Variants in DLG1 observed in about 807,000 individuals in gnomAD.
The protein encoded by DLG1 is disks large homolog 1.
Under a neutral mutation model 123.4 loss-of-function variants are expected in DLG1, and 42 were observed. That is an observed-to-expected ratio of 0.34 (90% CI 0.27 to 0.44). The LOEUF (loss-of-function observed/expected upper bound fraction) is 0.44, where lower values mean the gene tolerates loss of function less well. Ranked by LOEUF, DLG1 falls within the 20% of genes least tolerant of loss-of-function variation. The pLI, the probability that DLG1 is intolerant of heterozygous loss-of-function variation, is 1.00. For missense variants in DLG1, 942 were observed against 1,082.6 expected, an observed-to-expected ratio of 0.87 and a Z score of 1.82; for synonymous variants, 317 against 356.2, an observed-to-expected ratio of 0.89 and a Z score of 1.24.
intron 6 of DLG1, among the ~76,000 whole-genome samples, chr3:197,149,254 A>T (rs1792711643): frequency 6.6e-6 from 1 of 152,178 alleles, no homozygotes; most frequent in Admixed American, 6.5e-5. Flanking sequence ...ATCTACTTTC[A>T]GTAACTATGG....
At chr3:197,103,498 C>T (rs1178526321) in intron 14 of DLG1, among the ~76,000 whole-genome samples, 9 of 151,844 alleles carry the variant, frequency 5.9e-5, no homozygotes, top group Admixed American at 5.3e-4. Flanking sequence ...AACATAGGGT[C>T]CCATTGGCAG....
At chr3:197,158,550 C>T (rs1797373915) in intron 5 of DLG1, among the ~76,000 whole-genome samples, 1 of 150,120 alleles carries the variant, frequency 6.7e-6, no homozygotes. Context: ...AGGAGAATCA[C>T]CTGAACCCGG....
chr3:197,131,713 C>A (rs1307518668), intron 10 of DLG1, among the ~76,000 whole-genome samples: 1 of 148,340 alleles, frequency 6.7e-6, no homozygotes, highest in Non-Finnish European at 1.5e-5. Context: ...CCTGCCTCAG[C>A]CTCCCAAGTA....
intron 4 of DLG1, among the ~76,000 whole-genome samples, chr3:197,206,098 C>T (rs993251961): frequency 6.6e-6 from 1 of 152,112 alleles, no homozygotes; most frequent in Non-Finnish European, 1.5e-5. Context: ...AAGGGGCTAT[C>T]TATAGGGCAC....
chr3:197,104,363 G>C (rs912218541), intron 14 of DLG1, among the ~76,000 whole-genome samples: 5 of 152,138 alleles, frequency 3.3e-5, no homozygotes, highest in African/African-American at 1.2e-4. Flanking sequence ...GGTTAAGCTT[G>C]TGGATGCCAG....
rs1738890378 is a variant in DLG1 at position 197,065,497 on chromosome 3, C to T, written c.2201-49G>A. On this transcript the variant is annotated intron_variant, in intron 21 of 24. Transcript: ENST00000667157. ...AAGTGTTTAATATTAAAAAAAAAAC[C>T]ACAATAAATCCATTTTCTACTTACA... 9 of 1,421,322 alleles carry T rather than the reference C, an allele frequency of 6.3e-6. No homozygotes were observed. The South Asian group carries it at 1.2e-4, about 19-fold the overall frequency. 88.0% of individuals were successfully genotyped at this position (1,421,322 alleles called of 1,614,324 possible). A position where few individuals can be genotyped will look rare whatever the true frequency, so the allele number is the denominator to read the frequency against.
At chr3:197,222,133 G>C (rs899962339) in intron 4 of DLG1, among the ~76,000 whole-genome samples, 1 of 152,176 alleles carries the variant, frequency 6.6e-6, no homozygotes, top group Non-Finnish European at 1.5e-5. Context: ...TGAATCCACA[G>C]ATGCAGAACC....
At chr3:197,074,104 A>G (rs1351507786) in intron 18 of DLG1, among the ~76,000 whole-genome samples, 2 of 152,084 alleles carry the variant, frequency 1.3e-5, no homozygotes, top group South Asian at 2.1e-4. Flanking sequence ...CAACTGCCTT[A>G]TATCATCTAT....
chr3:197,232,207 A>G (rs1009297948), intron 4 of DLG1, among the ~76,000 whole-genome samples: 1 of 152,052 alleles, frequency 6.6e-6, no homozygotes, highest in Non-Finnish European at 1.5e-5. Context: ...GGGTGATAAA[A>G]ATGTGAAAGA....
At chr3:197,226,303 C>G (rs1353214890) in intron 4 of DLG1, 1 of 148,954 alleles carries the variant, frequency 6.7e-6, no homozygotes, top group Non-Finnish European at 1.5e-5. Flanking sequence ...GGATTCACCA[C>G]AGAGCTCCAC....
chr3:197,103,684 T>C (rs1324298839), intron 14 of DLG1, among the ~76,000 whole-genome samples: 1 of 150,780 alleles, frequency 6.6e-6, no homozygotes, highest in Non-Finnish European at 1.5e-5. Context: ...CCTCCCATAC[T>C]TAAGAAAGAC....
chr3:197,163,396 C>T (rs1313243995), intron 5 of DLG1, among the ~76,000 whole-genome samples: 1 of 152,134 alleles, frequency 6.6e-6, no homozygotes, highest in African/African-American at 2.4e-5. Context: ...AGAGCAAGGA[C>T]TTGGACACTT....
Position 197,043,058 on chromosome 3 carries a change from TAAAC to T in DLG1, c.*1561_*1564del, listed in dbSNP as rs1475993108. ...GAGGTTGTCAAAAACACATATTTAA[TAAAC>T]AACTCCAAAGAGCAATGGGAAGCCA... On this transcript the variant is annotated 3_prime_UTR_variant, in exon 25 of 25. Coordinates refer to ENST00000667157, the MANE Select transcript of DLG1 (RefSeq NM_001366207.1). 1 of 152,180 alleles carries T rather than the reference TAAAC, an allele frequency of 6.6e-6. No homozygotes were observed. The highest frequency in any genetic ancestry group is 1.5e-5 in the Non-Finnish European group (1 of 68,024). The allele number at this position is 152,180 out of a possible 1,614,324, so 9.4% of individuals were successfully genotyped here.
intron 24 of DLG1, among the ~76,000 whole-genome samples, chr3:197,050,423 AATAT>A (rs71623330): frequency 6.6e-6 from 1 of 150,946 alleles, no homozygotes; most frequent in African/African-American, 2.4e-5. Context: ...AACAACAACA[AATAT>A]ATATATATAT....
Position 197,289,341 on chromosome 3 carries a change from TACAC to T in DLG1, c.152-6500_152-6497del, listed in dbSNP as rs56319334. On this transcript the variant is annotated intron_variant, in intron 3 of 24. Coordinates refer to ENST00000667157, the MANE Select transcript of DLG1 (RefSeq NM_001366207.1). ...GGGGGGTGGCGTGTATACACGCGCA[TACAC>T]ACACACACACACACACACACACAAA... Among the ~76,000 whole-genome samples the T allele has an allele frequency of 1.1e-3, 169 of 150,396 alleles. 1 individual carries two copies. The highest frequency in any genetic ancestry group is 2.2e-3 in the African/African-American group (89 of 40,958).
At chr3:197,274,985 C>T (rs1440854765) in intron 4 of DLG1, among the ~76,000 whole-genome samples, 3 of 152,150 alleles carry the variant, frequency 2.0e-5, no homozygotes, top group African/African-American at 7.2e-5. Flanking sequence ...GACTTCAAGA[C>T]CAGCTCAGCC....
rs1720947143 is a variant in DLG1 at position 197,042,699 on chromosome 3, C to G, written c.*1924G>C. On this transcript the variant is annotated 3_prime_UTR_variant, in exon 25 of 25. Transcript: ENST00000667157. ...GTCTTGTAAGGCAGTTTCTGAAGCTCTTGAGATTTTACAACAGTTTTCTTC... is the reference window on the plus strand; with the variant it reads ...GTCTTGTAAGGCAGTTTCTGAAGCTGTTGAGATTTTACAACAGTTTTCTTC... 1.3e-5 allele frequency: 2 copies of G among 152,130 alleles called. No individual in the cohort carries two copies. The highest frequency in any genetic ancestry group is 4.8e-5 in the African/African-American group (2 of 41,424). 9.4% of individuals were successfully genotyped at this position (152,130 alleles called of 1,614,324 possible).
chr3:197,107,312 AG>A (rs1023474911), intron 13 of DLG1, among the ~76,000 whole-genome samples: 1 of 152,230 alleles, frequency 6.6e-6, no homozygotes, highest in Non-Finnish European at 1.5e-5. Flanking sequence ...TGGGAGGCCA[AG>A]GCAGGCAGAT....
chr3:197,222,531 C>A (rs1033347996), intron 4 of DLG1, among the ~76,000 whole-genome samples: 1 of 152,044 alleles, frequency 6.6e-6, no homozygotes, highest in Admixed American at 6.6e-5. Flanking sequence ...TAAGATAGGT[C>A]TTCTCGTTTT....
Sources: allele counts gnomAD v4.1 joint callset (sites outside exome capture counted in the v4.1 genomes callset), GRCh38; gene constraint gnomAD v4.1.1; transcripts MANE v1.5; gene names NCBI Gene and HGNC (gene_info 2026-07-23, HGNC 2026-07-21).